Variants in IL1RAPL2 observed in about 807,000 individuals in gnomAD.
The protein encoded by IL1RAPL2 is X-linked interleukin-1 receptor accessory protein-like 2.
Under a neutral mutation model 44.1 loss-of-function variants are expected in IL1RAPL2, and 3 were observed. The observed-to-expected ratio is 0.07, with a 90% CI of 0.03 to 0.18. The LOEUF (loss-of-function observed/expected upper bound fraction) is 0.18. Among genes scored for constraint, IL1RAPL2 ranks in the 10% least tolerant of loss-of-function variants. The pLI, the probability that IL1RAPL2 is intolerant of heterozygous loss-of-function variation, is 1.00. For missense variants in IL1RAPL2, 391 were observed against 496.4 expected (o/e 0.79, Z 2.02); for synonymous variants, 181 against 178.8 (o/e 1.01, Z -0.10).
At chrX:104,893,347 A>G (rs779928961) in intron 2 of IL1RAPL2, among the ~76,000 whole-genome samples, 2 of 111,285 alleles carry the variant, frequency 1.8e-5, no homozygotes, top group East Asian at 2.8e-4. Context: ...GGATATCCTC[A>G]TTAACTTTCT....
chrX:104,785,082 G>T (rs1932791774), intron 2 of IL1RAPL2, among the ~76,000 whole-genome samples: 1 of 110,509 alleles, frequency 9.0e-6, no homozygotes, highest in Non-Finnish European at 1.9e-5. Context: ...TGCAATCACA[G>T]CTCACTGCAA....
intron 5 of IL1RAPL2, among the ~76,000 whole-genome samples, chrX:105,449,410 C>T (rs1411727000): frequency 1.8e-5 from 2 of 110,768 alleles, no homozygotes; most frequent in Non-Finnish European, 3.8e-5. Context: ...CGGTGAAACC[C>T]CGCCTCTACT....
At chrX:105,340,544 C>A (rs910664112) in intron 5 of IL1RAPL2, among the ~76,000 whole-genome samples, 2 of 112,083 alleles carry the variant, frequency 1.8e-5, no homozygotes, top group Non-Finnish European at 3.8e-5. Context: ...CTCCTTCACT[C>A]CCTTCACTTC....
At chrX:105,570,978 T>G (rs1461711482) in intron 6 of IL1RAPL2, among the ~76,000 whole-genome samples, 1 of 111,585 alleles carries the variant, frequency 9.0e-6, no homozygotes, top group Non-Finnish European at 1.9e-5. Flanking sequence ...CAGCACCACT[T>G]TAGAACCAAA....
intron 1 of IL1RAPL2, among the ~76,000 whole-genome samples, chrX:104,634,772 C>T (rs866862039): frequency 3.6e-5 from 4 of 111,591 alleles, no homozygotes; most frequent in African/African-American, 6.5e-5. Context: ...AAATACAGCC[C>T]ACTGATGGGT....
At chrX:105,298,738 A>G (rs2034673536) in intron 5 of IL1RAPL2, among the ~76,000 whole-genome samples, 1 of 110,075 alleles carries the variant, frequency 9.1e-6, no homozygotes, top group Non-Finnish European at 1.9e-5. Context: ...GTAGGAAAAG[A>G]GTCAACAAAA....
chrX:105,492,340 C>T (rs764557563), intron 6 of IL1RAPL2, among the ~76,000 whole-genome samples: 1 of 110,384 alleles, frequency 9.1e-6, no homozygotes, highest in African/African-American at 3.3e-5. Flanking sequence ...TTATAGCACA[C>T]TGGGTATGGT....
chrX:104,998,246 T>G (rs2030783810), intron 2 of IL1RAPL2, among the ~76,000 whole-genome samples: 1 of 111,195 alleles, frequency 9.0e-6, no homozygotes, highest in Non-Finnish European at 1.9e-5. Flanking sequence ...TCAAGTAAAG[T>G]GAGGACAGAG....
chrX:105,292,198 A>T (rs952422167), intron 5 of IL1RAPL2, among the ~76,000 whole-genome samples: 4 of 112,302 alleles, frequency 3.6e-5, no homozygotes, highest in African/African-American at 1.3e-4. Flanking sequence ...TAACCAATGT[A>T]TGTTGTTATG....
intron 2 of IL1RAPL2, among the ~76,000 whole-genome samples, chrX:105,088,822 A>G (rs2032508450): frequency 9.0e-6 from 1 of 111,454 alleles, no homozygotes; most frequent in Non-Finnish European, 1.9e-5. Context: ...TACTTTAAGG[A>G]GAAGAAAAAC....
intron 2 of IL1RAPL2, among the ~76,000 whole-genome samples, chrX:104,683,322 A>C (rs1221971735): frequency 2.7e-5 from 3 of 111,746 alleles, no homozygotes; most frequent in Non-Finnish European, 3.8e-5. Flanking sequence ...ACTGTGGTTA[A>C]GTACTTTCTG....
At chrX:105,335,072 T>C (rs1322514787) in intron 5 of IL1RAPL2, among the ~76,000 whole-genome samples, 3 of 111,324 alleles carry the variant, frequency 2.7e-5, no homozygotes, top group African/African-American at 9.8e-5. Flanking sequence ...TCTAAACCTG[T>C]GACTGCTCAG....
At chrX:105,190,839 A>G (rs1556136664) in intron 2 of IL1RAPL2, among the ~76,000 whole-genome samples, 1 of 112,365 alleles carries the variant, frequency 8.9e-6, no homozygotes. Context: ...TAAACTTTTC[A>G]CAGGGTTTTG....
intron 2 of IL1RAPL2, among the ~76,000 whole-genome samples, chrX:104,759,108 G>T (rs1490628327): frequency 8.9e-6 from 1 of 112,268 alleles, no homozygotes; most frequent in Non-Finnish European, 1.9e-5. Flanking sequence ...TCCTAAGACG[G>T]CCCACACTTA....
intron 6 of IL1RAPL2, among the ~76,000 whole-genome samples, chrX:105,673,746 C>T (rs1008260144): frequency 5.4e-5 from 6 of 111,693 alleles, no homozygotes; most frequent in Non-Finnish European, 9.4e-5. Flanking sequence ...ATTGCCACAC[C>T]GTCTTCCACA....
chrX:105,045,226 T>A (rs1164115592), intron 2 of IL1RAPL2, among the ~76,000 whole-genome samples: 1 of 111,535 alleles, frequency 9.0e-6, no homozygotes, highest in East Asian at 2.9e-4. Flanking sequence ...CAGCTATAAA[T>A]AATGTGACAT....
chrX:104,633,235 C>T (rs758148360), intron 1 of IL1RAPL2, among the ~76,000 whole-genome samples: 3 of 111,515 alleles, frequency 2.7e-5, no homozygotes, highest in African/African-American at 6.5e-5. Context: ...CTGCTGGATT[C>T]GGTTTGCCAG....
intron 10 of IL1RAPL2, among the ~76,000 whole-genome samples, chrX:105,758,662 C>G (rs749008414): frequency 2.7e-5 from 3 of 112,013 alleles, no homozygotes; most frequent in African/African-American, 9.7e-5. Flanking sequence ...CATTCTTGAG[C>G]CTGTGGCCAG....
intron 2 of IL1RAPL2, among the ~76,000 whole-genome samples, chrX:104,905,683 A>G (rs1033614654): frequency 3.6e-5 from 4 of 111,534 alleles, no homozygotes; most frequent in Non-Finnish European, 5.7e-5. Flanking sequence ...TGGTACCAGT[A>G]CCATGCTGTT....
Sources: gnomAD v4.1 joint callset for allele counts (sites outside exome capture counted in the v4.1 genomes callset) on GRCh38, gnomAD v4.1.1 for gene constraint, MANE v1.5 for transcripts, NCBI Gene and HGNC (gene_info 2026-07-23, HGNC 2026-07-21) for gene names.